The following KCNIP4 variants were observed in gnomAD, a reference collection of about 807,000 sequenced individuals.
KCNIP4 encodes potassium voltage-gated channel interacting protein 4.
KCNIP4 carries 12 observed loss-of-function variants against 34.0 expected under a neutral mutation model. That is an observed-to-expected ratio of 0.35 (90% CI 0.23 to 0.57). KCNIP4 has a LOEUF of 0.57. Among genes scored for constraint, KCNIP4 ranks in the 20% least tolerant of loss-of-function variants. The probability of loss-of-function intolerance (pLI) is 0.83; values close to 1 mark genes in which losing one functional copy is unlikely to be tolerated. For synonymous variants in KCNIP4, 124 were observed against 102.2 expected, an observed-to-expected ratio of 1.21 and a Z score of -1.29; for missense variants, 238 against 311.7, an observed-to-expected ratio of 0.76 and a Z score of 1.78.
At chr4:21,646,248 T>C (rs148025456) in intron 1 of KCNIP4, among the ~76,000 whole-genome samples, 2,010 of 152,302 alleles carry the variant, frequency 0.013, 29 homozygotes, top group Non-Finnish European at 0.02. Context: ...CCCAGTGAAC[T>C]GATCAAATTG....
intron 1 of KCNIP4, chr4:21,697,634 T>C (rs1044393799): frequency 9.8e-6 from 13 of 1,324,274 alleles, no homozygotes; most frequent in Non-Finnish European, 1.0e-5. Context: ...CAGATACAGC[T>C]ACAACAGTAA....
At chr4:21,104,159 C>T (rs1378893958) in intron 1 of KCNIP4, among the ~76,000 whole-genome samples, 3 of 142,300 alleles carry the variant, frequency 2.1e-5, no homozygotes, top group African/African-American at 8.4e-5. Context: ...GGAATCGCCA[C>T]ACTGTCTTCC....
chr4:21,644,416 T>C (rs1359954561), intron 1 of KCNIP4, among the ~76,000 whole-genome samples: 1 of 152,200 alleles, frequency 6.6e-6, no homozygotes, highest in African/African-American at 2.4e-5. Context: ...TGGGAAGTGA[T>C]GCATATCTTG....
At chr4:21,911,938 T>C (rs918001249) in intron 1 of KCNIP4, among the ~76,000 whole-genome samples, 1 of 152,148 alleles carries the variant, frequency 6.6e-6, no homozygotes, top group Non-Finnish European at 1.5e-5. Flanking sequence ...TTCATGTCAC[T>C]AATTCTACAA....
intron 1 of KCNIP4, among the ~76,000 whole-genome samples, chr4:21,900,848 T>C (rs1174828838): frequency 1.3e-5 from 2 of 152,214 alleles, no homozygotes; most frequent in African/African-American, 2.4e-5. Flanking sequence ...CTGAGTTTTC[T>C]GTGCATAAAT....
intron 1 of KCNIP4, among the ~76,000 whole-genome samples, chr4:21,101,770 C>G (rs1445335878): frequency 6.6e-6 from 1 of 152,150 alleles, no homozygotes; most frequent in Non-Finnish European, 1.5e-5. Context: ...CATACACTAT[C>G]ATAAAGCTAA....
intron 1 of KCNIP4, among the ~76,000 whole-genome samples, chr4:21,127,895 T>C (rs1309953590): frequency 6.6e-6 from 1 of 152,168 alleles, no homozygotes; most frequent in Non-Finnish European, 1.5e-5. Context: ...TAAAAATCAG[T>C]CCAGGCTTTG....
At chr4:20,916,890 G>A (rs1728863902) in intron 1 of KCNIP4, among the ~76,000 whole-genome samples, 1 of 149,038 alleles carries the variant, frequency 6.7e-6, no homozygotes, top group Non-Finnish European at 1.5e-5. Flanking sequence ...CTTAATTGTG[G>A]TCACACTCAT....
At chr4:21,719,937 T>C (rs1411652112) in intron 1 of KCNIP4, among the ~76,000 whole-genome samples, 2 of 126,444 alleles carry the variant, frequency 1.6e-5, no homozygotes, top group Non-Finnish European at 3.1e-5. Flanking sequence ...TGCTCCAGCA[T>C]GGGCAACAAG....
At chr4:20,780,416 C>G (rs1203251837) in intron 3 of KCNIP4, among the ~76,000 whole-genome samples, 1 of 152,152 alleles carries the variant, frequency 6.6e-6, no homozygotes, top group Admixed American at 6.5e-5. Flanking sequence ...ATATTACTGT[C>G]AAGCCAATGA....
chr4:20,815,171 C>A (rs1716226696), intron 3 of KCNIP4, among the ~76,000 whole-genome samples: 1 of 151,962 alleles, frequency 6.6e-6, no homozygotes. Context: ...GATAATTGAT[C>A]CTCAAAATGG....
chr4:20,789,681 A>G (rs932149492), intron 3 of KCNIP4, among the ~76,000 whole-genome samples: 5 of 151,630 alleles, frequency 3.3e-5, no homozygotes, highest in East Asian at 3.9e-4. Flanking sequence ...TCATCTTACC[A>G]CTGCCATATG....
chr4:21,090,525 A>G (rs1229773081), intron 1 of KCNIP4, among the ~76,000 whole-genome samples: 1 of 152,224 alleles, frequency 6.6e-6, no homozygotes, highest in Admixed American at 6.5e-5. Flanking sequence ...AGACTGTTTA[A>G]AAACAATTCA....
At chr4:21,898,843 T>A (rs1001436451) in intron 1 of KCNIP4, among the ~76,000 whole-genome samples, 8 of 152,156 alleles carry the variant, frequency 5.3e-5, no homozygotes, top group African/African-American at 1.9e-4. Flanking sequence ...AGTACACTCA[T>A]GTGGTCCCCG....
chr4:20,798,556 A>T (rs1386972083), intron 3 of KCNIP4, among the ~76,000 whole-genome samples: 4 of 151,574 alleles, frequency 2.6e-5, no homozygotes, highest in African/African-American at 9.7e-5. Flanking sequence ...CAAAAAAGCT[A>T]TGAATAATCA....
intron 1 of KCNIP4, among the ~76,000 whole-genome samples, chr4:21,900,054 C>A (rs1727620855): frequency 6.6e-6 from 1 of 152,028 alleles, no homozygotes; most frequent in African/African-American, 2.4e-5. Context: ...ATGGTACTAG[C>A]AGACACATAG....
At chr4:21,639,258 A>C (rs994071580) in intron 1 of KCNIP4, among the ~76,000 whole-genome samples, 5 of 152,210 alleles carry the variant, frequency 3.3e-5, no homozygotes, top group Non-Finnish European at 7.3e-5. Context: ...AGACTTAATC[A>C]CATAAAGTTT....
At chr4:21,585,673 T>C (rs1320271614) in intron 1 of KCNIP4, among the ~76,000 whole-genome samples, 1 of 151,972 alleles carries the variant, frequency 6.6e-6, no homozygotes, top group African/African-American at 2.4e-5. Context: ...CAAAAACAAT[T>C]ATGCTTGAAT....
intron 3 of KCNIP4, among the ~76,000 whole-genome samples, chr4:20,789,575 C>G (rs923673): frequency 6.6e-6 from 1 of 151,822 alleles, no homozygotes; most frequent in Non-Finnish European, 1.5e-5. Context: ...GGGCTTGGCC[C>G]TGTGCCTGTC....
Sources: allele counts gnomAD v4.1 joint callset (sites outside exome capture counted in the v4.1 genomes callset), GRCh38; gene constraint gnomAD v4.1.1; transcripts MANE v1.5; gene names NCBI Gene and HGNC (gene_info 2026-07-23, HGNC 2026-07-21).